PKIB: variants seen among roughly 807,000 people sequenced by gnomAD.
PKIB encodes the protein PKI-beta.
Under a neutral mutation model 4.5 loss-of-function variants are expected in PKIB, and 2 were observed. That is an observed-to-expected ratio of 0.44 (90% CI 0.18 to 1.39). PKIB has a LOEUF of 1.39. Ranked by LOEUF, PKIB falls within the 40% of genes most tolerant of loss-of-function variation. The pLI is 0.27. For missense variants in PKIB, 94 were observed against 92.6 expected (o/e 1.02, Z -0.06); for synonymous variants, 38 against 36.0 (o/e 1.06, Z -0.20).
At chr6:122,550,974 C>T (rs1772658357) in intron 2 of PKIB, among the ~76,000 whole-genome samples, 1 of 152,168 alleles carries the variant, frequency 6.6e-6, no homozygotes, top group African/African-American at 2.4e-5. Flanking sequence ...TTTCTTCATC[C>T]TTTTCTAGAG....
intron 3 of PKIB, among the ~76,000 whole-genome samples, chr6:122,596,327 G>A (rs1398157314): frequency 6.6e-6 from 1 of 152,204 alleles, no homozygotes; most frequent in African/African-American, 2.4e-5. Flanking sequence ...TCCCCATGAG[G>A]CCATCGGTGC....
rs138691957 is a variant in PKIB at position 122,620,958 on chromosome 6, T to G, written c.-161+10423T>G. Among the ~76,000 whole-genome samples, 484 of 152,178 alleles carry G rather than the reference T, an allele frequency of 3.2e-3. 2 individuals are homozygous for G. The highest frequency in any genetic ancestry group is 0.011 in the African/African-American group (473 of 41,484). Reference sequence around the variant, plus strand: ...CCCTGAGACCAGATCCAGACCACCTTTTGATGATTTACTTACCTGACCATG... The same window carrying G: ...CCCTGAGACCAGATCCAGACCACCTGTTGATGATTTACTTACCTGACCATG... On this transcript the variant is annotated intron_variant, in intron 1 of 4. Transcript: ENST00000368452.
At chr6:122,665,598 T>C (rs1437397760) in intron 2 of PKIB, among the ~76,000 whole-genome samples, 1 of 151,734 alleles carries the variant, frequency 6.6e-6, no homozygotes, top group Non-Finnish European at 1.5e-5. Context: ...CAAAAAATAA[T>C]GAGATCAAAA....
At chr6:122,601,436 C>T (rs1774360403) in intron 3 of PKIB, among the ~76,000 whole-genome samples, 1 of 152,118 alleles carries the variant, frequency 6.6e-6, no homozygotes, top group Non-Finnish European at 1.5e-5. Context: ...AAAATAACCT[C>T]TCACCCTAGA....
At chr6:122,701,523 T>C (rs1433211076) in intron 3 of PKIB, 3 of 1,591,430 alleles carry the variant, frequency 1.9e-6, no homozygotes, top group Non-Finnish European at 2.6e-6. Flanking sequence ...ACCATTTTCT[T>C]CTTGGGGACA....
intron 2 of PKIB, among the ~76,000 whole-genome samples, chr6:122,566,541 A>G (rs72962462): frequency 8.8e-4 from 134 of 152,222 alleles, no homozygotes; most frequent in Middle Eastern, 6.8e-3. Context: ...TATACTAAAA[A>G]TATTATAACC....
chr6:122,524,245 CTTT>C (rs1240575836), intron 2 of PKIB, among the ~76,000 whole-genome samples: 1 of 143,478 alleles, frequency 7.0e-6, no homozygotes, highest in Non-Finnish European at 1.5e-5. Context: ...CATCCTCCTT[CTTT>C]TTCTTTTCCT....
chr6:122,529,619 A>G (rs1480698984), intron 2 of PKIB, among the ~76,000 whole-genome samples: 1 of 152,160 alleles, frequency 6.6e-6, no homozygotes. Flanking sequence ...GTCGAGTGGT[A>G]ATGAACTCCC....
chr6:122,511,694 A>G (rs1036687185), intron 2 of PKIB, among the ~76,000 whole-genome samples: 1 of 152,196 alleles, frequency 6.6e-6, no homozygotes, highest in Admixed American at 6.5e-5. Flanking sequence ...TTTCCACAGT[A>G]TTTATTGAGT....
intron 3 of PKIB, chr6:122,701,382 G>A (rs1450604610): frequency 1.4e-6 from 2 of 1,421,696 alleles, no homozygotes; most frequent in Non-Finnish European, 1.9e-6. Context: ...CCTGAGCTCT[G>A]GTAAGCAGGA....
At position 122,592,695 on chromosome 6, in the gene PKIB, G is replaced by C. The variant is rs183966586; in HGVS notation, c.-161+6688G>C. Among the ~76,000 whole-genome samples the C allele has an allele frequency of 2.0e-3, 302 of 152,280 alleles. 1 individual carries two copies. Among genetic ancestry groups the C allele is most frequent in the Non-Finnish European group, 3.7e-3 (252 of 68,008 alleles). ...AGCCATTGCCTTTTTTAGAGTAAAA[G>C]AAGCTTTGTTAACCTAGAGTAAAAG... On this transcript the variant is annotated intron_variant, in intron 3 of 6. Transcript: ENST00000392491.
At chr6:122,697,744 A>T (rs1049318820) in intron 3 of PKIB, among the ~76,000 whole-genome samples, 1 of 152,128 alleles carries the variant, frequency 6.6e-6, no homozygotes, top group Non-Finnish European at 1.5e-5. Context: ...GGCCTATGGG[A>T]AGGCTGCATT....
At position 122,629,664 on chromosome 6, in the gene PKIB, A is replaced by G. The variant is rs551805479; in HGVS notation, c.-160-3619A>G. ...CAAGGTCAACATCGGTAGTGATGCC[A>G]TACTGATATTATAGACCCTTGATAT... On this transcript the variant is annotated intron_variant, in intron 1 of 4. Coordinates refer to ENST00000368452, the MANE Select transcript of PKIB (RefSeq NM_181795.3). Among the ~76,000 whole-genome samples, 6 of 152,314 alleles carry G rather than the reference A, an allele frequency of 3.9e-5. No homozygotes were observed. The South Asian group carries it at 1.2e-3, about 32-fold the overall frequency.
intron 2 of PKIB, among the ~76,000 whole-genome samples, chr6:122,501,426 C>A (rs539980253): frequency 2.6e-5 from 4 of 152,340 alleles, no homozygotes; most frequent in African/African-American, 9.6e-5. Flanking sequence ...CCAAGTGTTT[C>A]TATACATCCT....
chr6:122,653,765 A>G (rs1256235866), intron 2 of PKIB, among the ~76,000 whole-genome samples: 1 of 152,116 alleles, frequency 6.6e-6, no homozygotes, highest in African/African-American at 2.4e-5. Context: ...GTTCCAGACC[A>G]GCCTGGCCAA....
chr6:122,500,413 T>TAG (rs2114557019), intron 2 of PKIB, among the ~76,000 whole-genome samples: 2 of 152,362 alleles, frequency 1.3e-5, no homozygotes, highest in East Asian at 3.9e-4. Context: ...CACTTTTCTG[T>TAG]AGATAAATTT....
chr6:122,699,757 TC>T (rs1256802410), intron 3 of PKIB, among the ~76,000 whole-genome samples: 2 of 152,198 alleles, frequency 1.3e-5, no homozygotes, highest in Non-Finnish European at 2.9e-5. Context: ...TAATCTAATT[TC>T]CATTTATTTT....
At chr6:122,571,919 G>C (rs1320104400) in intron 2 of PKIB, among the ~76,000 whole-genome samples, 1 of 152,112 alleles carries the variant, frequency 6.6e-6, no homozygotes, top group Non-Finnish European at 1.5e-5. Flanking sequence ...TAGCCTAAAT[G>C]CTTCACTTGA....
At chr6:122,614,238 A>T (rs1774889024) in intron 1 of PKIB, among the ~76,000 whole-genome samples, 1 of 152,208 alleles carries the variant, frequency 6.6e-6, no homozygotes, top group Non-Finnish European at 1.5e-5. Context: ...GGGAAGAGGT[A>T]TTCTCACCTA....
Sources: allele counts gnomAD v4.1 joint callset (sites outside exome capture counted in the v4.1 genomes callset), GRCh38; gene constraint gnomAD v4.1.1; transcripts MANE v1.5; gene names NCBI Gene and HGNC (gene_info 2026-07-23, HGNC 2026-07-21).